SLC15A5: variants seen among roughly 807,000 people sequenced by gnomAD.
SLC15A5 encodes solute carrier family 15 member 5.
Under a neutral mutation model 56.1 loss-of-function variants are expected in SLC15A5, and 58 were observed. The observed-to-expected ratio is 1.03, with a 90% confidence interval of 0.84 to 1.29. The LOEUF (loss-of-function observed/expected upper bound fraction) is 1.29. Ranked by LOEUF, SLC15A5 falls within the 50% of genes most tolerant of loss-of-function variation. The pLI is 0.00. For synonymous variants in SLC15A5, 264 were observed against 250.5 expected (o/e 1.05, Z -0.51); for missense variants, 681 against 672.1 (o/e 1.01, Z -0.15).
intron 7 of SLC15A5, among the ~76,000 whole-genome samples, chr12:16,204,761 T>C (rs574933756): frequency 6.6e-6 from 1 of 152,262 alleles, no homozygotes; most frequent in East Asian, 1.9e-4. Context: ...TAACCAACTT[T>C]TCACAACCTA....
intron 7 of SLC15A5, among the ~76,000 whole-genome samples, chr12:16,208,674 C>A (rs561486753): frequency 1.4e-4 from 22 of 152,140 alleles, no homozygotes; most frequent in African/African-American, 2.2e-4. Flanking sequence ...CTCTAAAAAA[C>A]CCCCCAAAAT....
chr12:16,231,023 T>A (rs1014909604), intron 5 of SLC15A5, among the ~76,000 whole-genome samples: 1 of 152,190 alleles, frequency 6.6e-6, no homozygotes, highest in Non-Finnish European at 1.5e-5. Context: ...TCTCCACCAG[T>A]ATGATTCTTA....
rs1185250522 is a variant in SLC15A5 at position 16,224,835 on chromosome 12, G to A, written c.1163-233C>T. Among the ~76,000 whole-genome samples the A allele has an allele frequency of 1.3e-4, 20 of 151,340 alleles. No individual in the cohort carries two copies. The East Asian group carries it at 3.1e-3, about 24-fold the overall frequency. ...GTTGGTGTTCTGCACCCATTAACTCGTCATTTACAATAGGTATATCTCCTA... is the reference window on the plus strand; with the variant it reads ...GTTGGTGTTCTGCACCCATTAACTCATCATTTACAATAGGTATATCTCCTA... On this transcript the variant is annotated intron_variant, in intron 5 of 8. Transcript: ENST00000344941.
intron 1 of SLC15A5, among the ~76,000 whole-genome samples, chr12:16,273,733 TA>T (rs1234089075): frequency 5.9e-4 from 27 of 45,760 alleles, no homozygotes; most frequent in African/African-American, 1.8e-3. Flanking sequence ...AGTAGTCAAA[TA>T]AATTTTTTTT....
intron 2 of SLC15A5, among the ~76,000 whole-genome samples, chr12:16,268,946 C>T (rs563772680): frequency 6.6e-6 from 1 of 151,906 alleles, no homozygotes; most frequent in Non-Finnish European, 1.5e-5. Context: ...GGCTTTTGCT[C>T]ATAGGGGTGG....
chr12:16,222,271 A>G (rs1183769740), intron 6 of SLC15A5, among the ~76,000 whole-genome samples: 2 of 152,214 alleles, frequency 1.3e-5, no homozygotes, highest in Admixed American at 6.5e-5. Flanking sequence ...AGAGTTAGTC[A>G]GTGACAGAAC....
In SLC15A5 at chr12:16,223,910, G is replaced by T. The variant is rs192762919; in HGVS notation, c.1351+504C>A. Among the ~76,000 whole-genome samples, 657 of 152,182 alleles carry T rather than the reference G, an allele frequency of 4.3e-3. 7 individuals carry two copies. Among genetic ancestry groups the T allele is most frequent in the African/African-American group, 0.015 (608 of 41,516 alleles). ...TTTTTGTATTTTTAGTAGAGACAGGGTTTCACCATGTTGGCCAGGATGGTC... is the reference window on the plus strand; with the variant it reads ...TTTTTGTATTTTTAGTAGAGACAGGTTTTCACCATGTTGGCCAGGATGGTC... On this transcript the variant is annotated intron_variant, in intron 6 of 8. Coordinates refer to ENST00000344941, the MANE Select transcript of SLC15A5 (RefSeq NM_001170798.1).
At chr12:16,240,675 CCT>C (rs1864405604) in intron 4 of SLC15A5, among the ~76,000 whole-genome samples, 1 of 152,100 alleles carries the variant, frequency 6.6e-6, no homozygotes, top group Admixed American at 6.6e-5. Flanking sequence ...TGATTTGGAG[CCT>C]CTTAGTGTAT....
At chr12:16,256,913 AATAGATAGATAG>A (rs55965104) in intron 3 of SLC15A5, among the ~76,000 whole-genome samples, 4,669 of 148,430 alleles carry the variant, frequency 0.031, 81 homozygotes, top group East Asian at 0.056. Flanking sequence ...ATGCATGGGG[AATAGATAGATAG>A]ATAGATAGAT....
intron 7 of SLC15A5, among the ~76,000 whole-genome samples, chr12:16,205,817 T>G (rs1332711862): frequency 2.0e-5 from 3 of 151,954 alleles, no homozygotes; most frequent in Admixed American, 2.0e-4. Flanking sequence ...ATATTTCCCC[T>G]CTTTACAAAC....
At chr12:16,222,038 A>G (rs1410078801) in intron 6 of SLC15A5, among the ~76,000 whole-genome samples, 6 of 152,196 alleles carry the variant, frequency 3.9e-5, no homozygotes, top group Non-Finnish European at 7.3e-5. Flanking sequence ...CATGTGAAAC[A>G]TGATAATAAT....
In SLC15A5 at chr12:16,277,377, G is replaced by T; in HGVS notation, c.309C>A (p.Val103=). The part of the protein sequence containing the change: ...TPVFVRWLTD[V]YLGRNKLVYI... ...ACACCAGTTTGTTTCTTCCTAAATA[G>T]ACATCAGTGAGCCATCTGACAAACA... Residue 103 remains valine (V), a synonymous_variant, in exon 1 of 9, where the codon GTC becomes GTA. Transcript: ENST00000344941. 1 of 1,535,974 alleles carries T rather than the reference G, an allele frequency of 6.5e-7. No homozygotes were observed. The highest frequency in any genetic ancestry group is 1.2e-5 in the South Asian group (1 of 83,932).
chr12:16,198,392 T>G (rs1316536113), intron 7 of SLC15A5, among the ~76,000 whole-genome samples: 1 of 152,132 alleles, frequency 6.6e-6, no homozygotes, highest in Admixed American at 6.6e-5. Flanking sequence ...TTATCCGAAA[T>G]TATCACAGTC....
intron 5 of SLC15A5, among the ~76,000 whole-genome samples, chr12:16,227,046 AT>A (rs1864249373): frequency 6.6e-6 from 1 of 152,166 alleles, no homozygotes; most frequent in Admixed American, 6.5e-5. Context: ...ATATCTCAGA[AT>A]TTAAATATAT....
At chr12:16,272,523 T>G in intron 2 of SLC15A5, 38 bp downstream of exon 2, 1 of 1,517,646 alleles carries the variant, frequency 6.6e-7, no homozygotes, top group Non-Finnish European at 8.9e-7. Flanking sequence ...GTGAGAATGG[T>G]CATAAGCCTC....
chr12:16,218,942 T>C (rs1428222664), intron 6 of SLC15A5, among the ~76,000 whole-genome samples: 5 of 152,174 alleles, frequency 3.3e-5, no homozygotes, highest in African/African-American at 1.2e-4. Flanking sequence ...ATGATGTAAA[T>C]GTATTAATGC....
chr12:16,270,337 G>A (rs1377893378), intron 2 of SLC15A5, among the ~76,000 whole-genome samples: 1 of 152,190 alleles, frequency 6.6e-6, no homozygotes, highest in East Asian at 1.9e-4. Context: ...AAGCCTTCAA[G>A]TGGTTACAGA....
chr12:16,244,751 T>G lies in SLC15A5; in HGVS notation c.804A>C (p.Thr268=). 6.5e-7 allele frequency: 1 copy of G among 1,537,808 alleles called. No homozygotes were observed. The highest frequency in any genetic ancestry group is 8.7e-7 in the Non-Finnish European group (1 of 1,147,030). Residue 268 remains threonine (T), a synonymous_variant, in exon 4 of 9, where the codon ACA becomes ACC. Coordinates refer to ENST00000344941, the MANE Select transcript of SLC15A5 (RefSeq NM_001170798.1). ...GVGVLVSALK[T]CHPQYCHLGR... is the part of the protein sequence containing the mutation. Reference sequence around the variant, plus strand: ...CAAGATGGCAGTATTGCGGGTGGCATGTTTTCAGTGCACTAACCAACACCC... The same window carrying G: ...CAAGATGGCAGTATTGCGGGTGGCAGGTTTTCAGTGCACTAACCAACACCC...
intron 7 of SLC15A5, among the ~76,000 whole-genome samples, chr12:16,197,794 T>A (rs1280364061): frequency 6.6e-6 from 1 of 151,920 alleles, no homozygotes; most frequent in African/African-American, 2.4e-5. Context: ...GGTTGTAAAA[T>A]GTTCCGTTTA....
Sources: gnomAD v4.1 joint callset for allele counts (sites outside exome capture counted in the v4.1 genomes callset) on GRCh38, gnomAD v4.1.1 for gene constraint, MANE v1.5 for transcripts, NCBI Gene and HGNC (gene_info 2026-07-23, HGNC 2026-07-21) for gene names.